HMG20B: variants seen among roughly 807,000 people sequenced by gnomAD.
HMG20B encodes the protein high mobility group 20B, also known as SWI/SNF-related matrix-associated actin-dependent regulator of chromatin subfamily E member 1-related.
HMG20B carries 24 observed loss-of-function variants against 41.6 expected under a neutral mutation model. The observed-to-expected ratio is 0.58, with a 90% CI of 0.42 to 0.81. The LOEUF (loss-of-function observed/expected upper bound fraction) is 0.81, where lower values mean the gene tolerates loss of function less well. Among genes scored for constraint, HMG20B ranks in the 30% least tolerant of loss-of-function variants. HMG20B has a pLI of 0.00. For synonymous variants in HMG20B, 251 were observed against 186.6 expected, an observed-to-expected ratio of 1.34 and a Z score of -2.81; for missense variants, 461 against 444.0, an observed-to-expected ratio of 1.04 and a Z score of -0.34.
intron 4 of HMG20B, 128 bp downstream of exon 4, chr19:3,574,714 AC>A: frequency 5.6e-6 from 4 of 710,614 alleles, no homozygotes; most frequent in Non-Finnish European, 8.7e-6. Context: ...CCCATAACCA[AC>A]TTTTTTTTTT....
At position 3,578,126 on chromosome 19, in the gene HMG20B, C is replaced by A. The variant is rs955360645; in HGVS notation, c.941+13C>A. 6.2e-7 allele frequency: 1 copy of A among 1,607,786 alleles called. No individual in the cohort carries two copies. Among genetic ancestry groups the A allele is most frequent in the African/African-American group, 1.3e-5 (1 of 74,852 alleles). On this transcript the variant is annotated intron_variant, in intron 9 of 9. Transcript: ENST00000333651. ...CCCAGGTCGCCAGGTGTGTGCCGGG[C>A]GAGGCGGGGCGGGGCCGGGGTTCAA...
intron 3 of HMG20B, 178 bp downstream of exon 3, chr19:3,573,978 G>C: frequency 4.2e-6 from 3 of 714,470 alleles, no homozygotes; most frequent in Non-Finnish European, 7.5e-6. Flanking sequence ...GCCACTCTAA[G>C]TCCAGGCCCC....
Position 3,575,916 on chromosome 19 carries a change from C to CCAGGGCGA in HMG20B, c.472+265_472+272dup, listed in dbSNP as rs1453966423. ...CCAAGATTGCGCCATTGCACTCTAG[C>CCAGGGCGA]CAGGGCGACAGGGCGAGACTCCGTC... On this transcript the variant is annotated intron_variant, in intron 5 of 9. Coordinates refer to ENST00000333651, the MANE Select transcript of HMG20B (RefSeq NM_006339.3). 2.5e-5 allele frequency: 12 copies of CCAGGGCGA among 474,802 alleles called. No individual in the cohort carries two copies. In the East Asian group the frequency reaches 4.3e-4, roughly 17 times the overall value. 29.4% of individuals were successfully genotyped at this position (474,802 alleles called of 1,614,324 possible). A position where few individuals can be genotyped will look rare whatever the true frequency, so the allele number is the denominator to read the frequency against.
intron 5 of HMG20B, chr19:3,575,869 G>C (rs1423824336): frequency 3.8e-5 from 20 of 521,252 alleles, no homozygotes. Flanking sequence ...GCTTGAACCC[G>C]GGAGGTGGAG....
Position 3,573,332 on chromosome 19 carries a change from C to T in HMG20B, c.23C>T (p.Pro8Leu). Residue 8 changes from proline to leucine, a missense_variant, in exon 2 of 10, where the codon CCC becomes CTC. This residue lies in a region of HMG20B where 104 missense variants were observed against 76.5 expected (regional missense o/e 1.36). Coordinates refer to ENST00000333651, the MANE Select transcript of HMG20B (RefSeq NM_006339.3). MSHGPKQ[P>L]GAAAAPAGGK... is the part of the protein sequence containing the mutation. ...GCCATGTCCCACGGCCCCAAGCAGC[C>T]CGGCGCGGCCGCCGCGTGAGTGCAC... 1.3e-6 allele frequency: 2 copies of T among 1,535,404 alleles called. No homozygotes were observed. Among genetic ancestry groups the T allele is most frequent in the Non-Finnish European group, 1.7e-6 (2 of 1,143,614 alleles).
rs1163468132 is a variant in HMG20B at position 3,575,612 on chromosome 19, G to T, written c.424G>T (p.Ala142Ser). Residue 142 changes from alanine to serine, a missense_variant, in exon 5 of 10, where the codon GCC becomes TCC. Ala to Ser is a moderately conservative substitution (Grantham distance 99). Transcript: ENST00000333651. ...GCTGCGGGCGTACCAGCAGTCTGAA[G>T]CCTATAAGATGTGCACGGAGAAGAT... ...KELRAYQQSE[A>S]YKMCTEKIQE... The T allele has an allele frequency of 2.1e-5, 33 of 1,552,476 alleles. No homozygotes were observed. The highest frequency in any genetic ancestry group is 9.8e-5 in the Admixed American group (5 of 51,044).
intron 6 of HMG20B, 93 bp downstream of exon 6, chr19:3,576,400 T>G: frequency 1.4e-6 from 2 of 1,419,636 alleles, no homozygotes; most frequent in Non-Finnish European, 1.0e-6. Context: ...CCCAGATGTG[T>G]GCAAGCAGGG....
intron 8 of HMG20B, 68 bp downstream of exon 8, chr19:3,577,175 TCCCTTCCC>T (rs1261526167): frequency 8.2e-6 from 8 of 971,278 alleles, no homozygotes; most frequent in African/African-American, 4.5e-5. Context: ...CCCCCCCTCC[TCCCTTCCC>T]CCCTTCCCCT....
chr19:3,573,210 C>G, intron 1 of HMG20B, 82 bp from the exon 2 acceptor site: 1 of 1,192,188 alleles, frequency 8.4e-7, no homozygotes, highest in Non-Finnish European at 1.1e-6. Flanking sequence ...TCCCGGGGCT[C>G]TCCATCGCGG....
At chr19:3,578,333 C>T (rs1599858085) in intron 9 of HMG20B, 176 bp from the exon 10 acceptor site, 1 of 1,166,670 alleles carries the variant, frequency 8.6e-7, no homozygotes, top group South Asian at 1.6e-5. Flanking sequence ...CCAGAACTTC[C>T]CTAAAGCTTC....
rs373055441 is a variant in HMG20B, at chr19:3,578,788, C to G, written c.*267C>G. 2.0e-5 allele frequency: 15 copies of G among 732,866 alleles called. No homozygotes were observed. The highest frequency in any genetic ancestry group is 3.5e-5 in the Non-Finnish European group (14 of 401,882). 45.4% of individuals were successfully genotyped at this position (732,866 alleles called of 1,614,324 possible). A position where few individuals can be genotyped will look rare whatever the true frequency, so the allele number is the denominator to read the frequency against. On this transcript the variant is annotated 3_prime_UTR_variant, in exon 10 of 10. Transcript: ENST00000333651. ...GGTGCCCCTCCTCGGAGGACAGCCA[C>G]GCGCTACACTGGCTCTCCGGGCCAC...
At chr19:3,577,791 C>T (rs2145259010) in intron 8 of HMG20B, among the ~76,000 whole-genome samples, 190 bp from the exon 9 acceptor site, 1 of 151,658 alleles carries the variant, frequency 6.6e-6, no homozygotes, top group Admixed American at 6.6e-5. Context: ...GCGTCCCCAC[C>T]CTGTCCCCGT....
chr19:3,577,059 G>A lies in HMG20B; in HGVS notation c.760G>A (p.Ala254Thr). Residue 254 changes from alanine (A) to threonine (T), a missense_variant, in exon 8 of 10, where the codon GCC becomes ACC. By Grantham distance (58) the Ala-to-Thr change is moderately conservative. Around this residue, in one of 3 missense-constraint regions of HMG20B, gnomAD observed 308 missense variants for 283.4 expected, o/e 1.09. Coordinates refer to ENST00000333651, the MANE Select transcript of HMG20B (RefSeq NM_006339.3). ...RTLALQQQLQ[A>T]VRQALTASFA... ...GCTGGCGCTGCAGCAGCAGCTCCAGGCCGTGCGCCAGGCGCTCACCGCCAG... is the reference window on the plus strand; with the variant it reads ...GCTGGCGCTGCAGCAGCAGCTCCAGACCGTGCGCCAGGCGCTCACCGCCAG... The A allele has an allele frequency of 3.9e-6, 6 of 1,544,730 alleles. No individual in the cohort carries two copies. The highest frequency in any genetic ancestry group is 5.2e-6 in the Non-Finnish European group (6 of 1,145,896).
Position 3,578,635 on chromosome 19 carries a change from C to A in HMG20B, c.*114C>A. 7.5e-7 allele frequency: 1 copy of A among 1,325,130 alleles called. No individual in the cohort carries two copies. The highest frequency in any genetic ancestry group is 1.1e-6 in the Non-Finnish European group (1 of 941,616). The allele number at this position is 1,325,130 out of a possible 1,614,324, so 82.1% of individuals were successfully genotyped here. Reference sequence around the variant, plus strand: ...CTTTGGGGCCTGGTCCCATCCTGCACCTTGGGGGCTCCAGCCCCCCTAAAA... The same window carrying A: ...CTTTGGGGCCTGGTCCCATCCTGCAACTTGGGGGCTCCAGCCCCCCTAAAA... On this transcript the variant is annotated 3_prime_UTR_variant, in exon 10 of 10. Coordinates refer to ENST00000333651, the MANE Select transcript of HMG20B (RefSeq NM_006339.3).
At chr19:3,577,230 C>G (rs1315346154) in intron 8 of HMG20B, 123 bp downstream of exon 8, 2 of 704,380 alleles carry the variant, frequency 2.8e-6, no homozygotes, top group Non-Finnish European at 4.5e-6. Flanking sequence ...TCCCCTCTTC[C>G]CCAGTCACCC....
Position 3,578,841 on chromosome 19 carries a change from A to G in HMG20B, c.*320A>G, listed in dbSNP as rs756508807. On this transcript the variant is annotated 3_prime_UTR_variant, in exon 10 of 10. Coordinates refer to ENST00000333651, the MANE Select transcript of HMG20B (RefSeq NM_006339.3). Reference sequence around the variant, plus strand: ...CCAGGACACAGGGCAGACGAAACCCACCCCCAGCACACGGCAGGACCCCCC... The same window carrying G: ...CCAGGACACAGGGCAGACGAAACCCGCCCCCAGCACACGGCAGGACCCCCC... 4.7e-6 allele frequency: 3 copies of G among 643,876 alleles called. No homozygotes were observed. The African/African-American group carries it at 5.4e-5, about 12-fold the overall frequency. 39.9% of individuals were successfully genotyped at this position (643,876 alleles called of 1,614,324 possible). A position where few individuals can be genotyped will look rare whatever the true frequency, so the allele number is the denominator to read the frequency against.
In HMG20B at chr19:3,578,651, C is replaced by A; in HGVS notation, c.*130C>A. On this transcript the variant is annotated 3_prime_UTR_variant, in exon 10 of 10. Transcript: ENST00000333651. ...CATCCTGCACCTTGGGGGCTCCAGC[C>A]CCCCTAAAATTAAATTTCTGCAGCA... is the stretch of plus-strand genomic sequence containing the variant. 1.6e-6 allele frequency: 2 copies of A among 1,221,444 alleles called. No homozygotes were observed. The highest frequency in any genetic ancestry group is 2.4e-6 in the Non-Finnish European group (2 of 847,658). The allele number at this position is 1,221,444 out of a possible 1,614,324, so 75.7% of individuals were successfully genotyped here.
intron 3 of HMG20B, 63 bp from the exon 4 acceptor site, chr19:3,574,319 GC>G: frequency 2.1e-6 from 2 of 975,570 alleles, no homozygotes; most frequent in Non-Finnish European, 2.9e-6. Flanking sequence ...CCCCGCCCAT[GC>G]CCCTCTGAGC....
chr19:3,576,599 C>T lies in HMG20B; in HGVS notation c.566C>T (p.Thr189Ile). Reference protein sequence around the residue: ...GFSTFDVPIFTEEFLDQNKAR... With the variant: ...GFSTFDVPIFIEEFLDQNKAR... ...TCCACCTTCGATGTTCCCATCTTCA[C>T]TGAAGAGTTCTTGGACCAAAACAAA... Residue 189 changes from threonine (T) to isoleucine (I), a missense_variant, in exon 7 of 10, where the codon ACT (threonine) becomes ATT (isoleucine). Around this residue, in one of 3 missense-constraint regions of HMG20B, gnomAD observed 308 missense variants for 283.4 expected, o/e 1.09. Transcript: ENST00000333651. The T allele has an allele frequency of 6.2e-7, 1 of 1,613,538 alleles. No homozygotes were observed. The highest frequency in any genetic ancestry group is 8.5e-7 in the Non-Finnish European group (1 of 1,179,710).
Sources: allele counts gnomAD v4.1 joint callset (sites outside exome capture counted in the v4.1 genomes callset), GRCh38; gene constraint gnomAD v4.1.1; regional missense constraint gnomAD v4.1.1; transcripts MANE v1.5; gene names NCBI Gene and HGNC (gene_info 2026-07-23, HGNC 2026-07-21).